C11orf65: variants seen among roughly 807,000 people sequenced by gnomAD.
C11orf65 encodes the protein protein MFI.
Under a neutral mutation model 35.3 loss-of-function variants are expected in C11orf65, and 38 were observed. The observed-to-expected ratio is 1.08, with a 90% confidence interval of 0.83 to 1.41. The LOEUF is 1.41. Among genes scored for constraint, C11orf65 ranks in the 40% most tolerant of loss-of-function variants. The probability of loss-of-function intolerance (pLI) is 0.00; values close to 1 mark genes in which losing one functional copy is unlikely to be tolerated. For synonymous variants in C11orf65, 105 were observed against 114.4 expected, an observed-to-expected ratio of 0.92 and a Z score of 0.53; for missense variants, 370 against 367.1, an observed-to-expected ratio of 1.01 and a Z score of -0.06.
intron 2 of C11orf65, among the ~76,000 whole-genome samples, chr11:108,361,408 A>C (rs1228960013): frequency 1.3e-5 from 2 of 151,842 alleles, no homozygotes; most frequent in African/African-American, 2.4e-5. Context: ...ATCCCCATCA[A>C]GCTACCAATG....
chr11:108,402,030 A>T (rs376171858), intron 6 of C11orf65, among the ~76,000 whole-genome samples: 14 of 152,340 alleles, frequency 9.2e-5, no homozygotes, highest in African/African-American at 3.4e-4. Context: ...CTGGCAATGT[A>T]GATTAGTAAT....
intron 6 of C11orf65, among the ~76,000 whole-genome samples, chr11:108,393,645 T>A (rs922460331): frequency 6.6e-6 from 1 of 152,156 alleles, no homozygotes. Flanking sequence ...GTTATTAAAT[T>A]GTTGAATCTT....
chr11:108,342,122 A>G (rs1056231329), intron 2 of C11orf65, among the ~76,000 whole-genome samples: 4 of 152,120 alleles, frequency 2.6e-5, no homozygotes, highest in Non-Finnish European at 1.5e-5. Context: ...CTCATCAGCA[A>G]TCATTAGTGT....
chr11:108,325,695 T>G, intron 6 of C11orf65: 1 of 772,858 alleles, frequency 1.3e-6, no homozygotes, highest in South Asian at 1.9e-5. Context: ...GTTCCCATTT[T>G]GGAATTAGAT....
chr11:108,428,503 C>A (rs1044825251), intron 3 of C11orf65, among the ~76,000 whole-genome samples: 1 of 152,130 alleles, frequency 6.6e-6, no homozygotes, highest in Non-Finnish European at 1.5e-5. Flanking sequence ...GTGTTCATGT[C>A]CTTTGCAGGG....
At chr11:108,448,878 G>C (rs1360530450) in intron 2 of C11orf65, among the ~76,000 whole-genome samples, 1 of 152,152 alleles carries the variant, frequency 6.6e-6, no homozygotes, top group Non-Finnish European at 1.5e-5. Flanking sequence ...TGTATATCTA[G>C]AAAACCCCAT....
chr11:108,441,495 T>C (rs1380657341), intron 2 of C11orf65, among the ~76,000 whole-genome samples: 2 of 152,178 alleles, frequency 1.3e-5, no homozygotes, highest in East Asian at 3.9e-4. Flanking sequence ...GCATGGAGTT[T>C]GAGATGAGAG....
chr11:108,468,533 T>C (rs745526435), upstream of C11orf65, among the ~76,000 whole-genome samples: 5 of 152,188 alleles, frequency 3.3e-5, no homozygotes, highest in Non-Finnish European at 5.9e-5. Context: ...AGATAAACTT[T>C]TAAGGAGGGA....
chr11:108,363,094 TC>T lies in C11orf65; in HGVS notation c.227-27803del, dbSNP rs1213193298. On this transcript the variant is annotated intron_variant, in intron 2 of 3. Coordinates refer to the C11orf65 transcript ENST00000524755. ...TCCCCAAATCATTTGGTGTGATTGT[TC>T]CAATCTTCAAGAATAATTTTCCCAG... 2.0e-5 allele frequency among the ~76,000 whole-genome samples: 3 copies of T among 152,208 alleles called. No individual in the cohort carries two copies. In the East Asian group the frequency reaches 5.8e-4, roughly 29 times the overall value.
rs951897127 is a variant in C11orf65 at position 108,421,394 on chromosome 11, G to A, written c.174+10352C>T. On this transcript the variant is annotated intron_variant, in intron 3 of 8. Coordinates refer to ENST00000393084, the MANE Select transcript of C11orf65 (RefSeq NM_152587.5). ...AACCAGGCCAGGTGCGATAGCTCAC[G>A]CCTATAATCCCAGAACTTTGGGAGG... 3.9e-5 allele frequency among the ~76,000 whole-genome samples: 6 copies of A among 152,164 alleles called. No individual in the cohort carries two copies. In the East Asian group the frequency reaches 9.6e-4, roughly 24 times the overall value.
intron 2 of C11orf65, among the ~76,000 whole-genome samples, chr11:108,459,113 G>A (rs1439708443): frequency 6.6e-6 from 1 of 152,192 alleles, no homozygotes; most frequent in African/African-American, 2.4e-5. Context: ...CAAGTAGCCA[G>A]CTATTAAGCA....
At chr11:108,359,516 C>G (rs1364067584) in intron 2 of C11orf65, among the ~76,000 whole-genome samples, 1 of 152,034 alleles carries the variant, frequency 6.6e-6, no homozygotes, top group Admixed American at 6.5e-5. Flanking sequence ...CCACACCACA[C>G]CTATTCCAAA....
chr11:108,355,875 G>T (rs770190319), intron 2 of C11orf65: 1 of 152,174 alleles, frequency 6.6e-6, no homozygotes, highest in Non-Finnish European at 1.5e-5. Flanking sequence ...AGTCCATCAG[G>T]GTGGTCCTGT....
At position 108,339,204 on chromosome 11, in the gene C11orf65, G is replaced by A. The variant is rs553407932; in HGVS notation, c.227-3912C>T. On this transcript the variant is annotated intron_variant, in intron 2 of 3. Coordinates refer to the C11orf65 transcript ENST00000524755. Reference sequence around the variant, plus strand: ...TTTTTCTCCACCAAAACTATGCATTGTTACAAAGTATACTGAACAAGTCTA... The same window carrying A: ...TTTTTCTCCACCAAAACTATGCATTATTACAAAGTATACTGAACAAGTCTA... Among the ~76,000 whole-genome samples the A allele has an allele frequency of 1.6e-4, 25 of 152,286 alleles. No individual in the cohort carries two copies. The South Asian group carries it at 5.0e-3, about 30-fold the overall frequency.
intron 3 of C11orf65, among the ~76,000 whole-genome samples, chr11:108,333,666 G>C (rs1409450995): frequency 6.6e-6 from 1 of 152,164 alleles, no homozygotes; most frequent in Admixed American, 6.5e-5. Context: ...AGTTACCCTT[G>C]TCAGGTAACC....
intron 7 of C11orf65, among the ~76,000 whole-genome samples, chr11:108,387,702 A>AT (rs1221722105): frequency 6.6e-6 from 1 of 151,480 alleles, no homozygotes; most frequent in African/African-American, 2.4e-5. Flanking sequence ...TAACTTTTTA[A>AT]TTTTTTGTAG....
At chr11:108,392,357 T>C (rs2092185707) in intron 7 of C11orf65, among the ~76,000 whole-genome samples, 1 of 152,204 alleles carries the variant, frequency 6.6e-6, no homozygotes, top group Non-Finnish European at 1.5e-5. Context: ...ATTTTTATTG[T>C]GGAATAATAT....
intron 6 of C11orf65, among the ~76,000 whole-genome samples, chr11:108,312,710 A>G (rs372104858): frequency 1.9e-4 from 29 of 152,306 alleles, no homozygotes; most frequent in Middle Eastern, 6.8e-3. Flanking sequence ...TGAGTTCCTT[A>G]TCTGAAAGAC....
chr11:108,313,441 T>C (rs1379850093), intron 6 of C11orf65, among the ~76,000 whole-genome samples: 3 of 152,206 alleles, frequency 2.0e-5, no homozygotes, highest in Non-Finnish European at 4.4e-5. Flanking sequence ...TCCAGTAAAA[T>C]AGCACTTGCT....
Sources: gnomAD v4.1 joint callset for allele counts (sites outside exome capture counted in the v4.1 genomes callset) on GRCh38, gnomAD v4.1.1 for gene constraint, MANE v1.5 for transcripts, NCBI Gene and HGNC (gene_info 2026-07-23, HGNC 2026-07-21) for gene names.